MYRF: variants seen among roughly 807,000 people sequenced by gnomAD.
The protein encoded by MYRF is myelin gene regulatory factor.
Under a neutral mutation model 126.3 loss-of-function variants are expected in MYRF, and 16 were observed. That is an observed-to-expected ratio of 0.13 (90% CI 0.09 to 0.19). The LOEUF (loss-of-function observed/expected upper bound fraction) is 0.19. Among genes scored for constraint, MYRF ranks in the 10% least tolerant of loss-of-function variants. The pLI is 1.00. For missense variants in MYRF, 1,104 were observed against 1,547.0 expected, an observed-to-expected ratio of 0.71 and a Z score of 4.80; for synonymous variants, 608 against 635.3, an observed-to-expected ratio of 0.96 and a Z score of 0.65.
intron 8 of MYRF, among the ~76,000 whole-genome samples, chr11:61,775,751 TG>T (rs149895352): frequency 2.0e-5 from 2 of 99,382 alleles, no homozygotes; most frequent in Non-Finnish European, 4.3e-5. Flanking sequence ...CATGCAGAGG[TG>T]GGGGGAGCGT....
At position 61,783,872 on chromosome 11, in the gene MYRF, C is replaced by T. The variant is rs779534671; in HGVS notation, c.3141C>T (p.His1047=). The T allele has an allele frequency of 9.9e-6, 16 of 1,609,122 alleles. No homozygotes were observed. The African/African-American group carries it at 1.5e-4, about 15-fold the overall frequency. Residue 1047 remains histidine (H), a synonymous_variant, in exon 24 of 27, where the codon CAC becomes CAT. Transcript: ENST00000278836. This position sits in a 1 kb window ranked among gnomAD's most constrained non-coding sequence, Gnocchi z 4.6. Reference sequence around the variant, plus strand: ...GCAGGCCTGGGAACTTCACCTACCACATCCCTGTCAGTAGTGGCACCCCAC... The same window carrying T: ...GCAGGCCTGGGAACTTCACCTACCATATCCCTGTCAGTAGTGGCACCCCAC... ...DACRPGNFTY[H]IPVSSGTPLH...
chr11:61,772,679 C>T (rs1214099119), intron 7 of MYRF, among the ~76,000 whole-genome samples: 1 of 152,216 alleles, frequency 6.6e-6, no homozygotes, highest in African/African-American at 2.4e-5. Context: ...GGAGGAAACC[C>T]CTTACTCTTA....
At chr11:61,755,687 CT>C (rs1473678296) in intron 1 of MYRF, 1 of 697,198 alleles carries the variant, frequency 1.4e-6, no homozygotes, top group Admixed American at 2.0e-5. Flanking sequence ...AAGAAGCTCA[CT>C]GCCCAGCCCT....
chr11:61,785,599 C>T (rs2066673949), intron 25 of MYRF: 1 of 592,058 alleles, frequency 1.7e-6, no homozygotes, highest in Admixed American at 2.9e-5. Context: ...ACCTGCCAGT[C>T]CCGGGCACGG....
At chr11:61,752,829 C>T in intron 1 of MYRF, 39 bp downstream of exon 1, 1 of 1,478,828 alleles carries the variant, frequency 6.8e-7, no homozygotes, top group Admixed American at 2.6e-5. Context: ...CCCTCTGGCG[C>T]TGGGAACCCC....
chr11:61,766,062 G>A lies in MYRF; in HGVS notation c.239G>A (p.Gly80Asp). The change falls in exon 3 of 27, where the codon GGT becomes GAT. Residue 80 changes from glycine (G) to aspartate (D), a missense_variant. Transcript: ENST00000278836. ...SGVHHLSPPG[G>D]GPSPGRHGPL... ...GTCCACCACCTGAGCCCCCCTGGGG[G>A]TGGACCCTCCCCGGGGCGCCATGGT... 1.2e-6 allele frequency: 2 copies of A among 1,604,522 alleles called. No individual in the cohort carries two copies. Among genetic ancestry groups the A allele is most frequent in the East Asian group, 2.2e-5 (1 of 44,728 alleles).
chr11:61,762,156 T>A (rs1305234752), intron 1 of MYRF, among the ~76,000 whole-genome samples: 1 of 151,412 alleles, frequency 6.6e-6, no homozygotes, highest in Non-Finnish European at 1.5e-5. Flanking sequence ...AAGGCCTTGA[T>A]GTGGGATGGA....
Position 61,777,585 on chromosome 11 carries a change from G to A in MYRF, c.1791+121G>A, listed in dbSNP as rs2066421209. ...CGGAGCTGCGGGGGAAGGAAGGGAG[G>A]GAGGCTGGCCTCGAATCCCGATCTA... On this transcript the variant is annotated intron_variant, in intron 12 of 26. Coordinates refer to ENST00000278836, the MANE Select transcript of MYRF (RefSeq NM_001127392.3). The surrounding 1 kb of genome is among the most constrained non-coding windows in gnomAD (Gnocchi z 8.8). The A allele has an allele frequency of 1.4e-6, 2 of 1,379,748 alleles. No individual in the cohort carries two copies. Among genetic ancestry groups the A allele is most frequent in the Non-Finnish European group, 2.0e-6 (2 of 1,008,742 alleles). The allele number at this position is 1,379,748 out of a possible 1,614,324, so 85.5% of individuals were successfully genotyped here. A position where few individuals can be genotyped will look rare whatever the true frequency, so the allele number is the denominator to read the frequency against.
At chr11:61,774,195 A>G (rs1488100647) in intron 8 of MYRF, 33 bp downstream of exon 8, 2 of 1,568,232 alleles carry the variant, frequency 1.3e-6, no homozygotes, top group East Asian at 2.3e-5. Flanking sequence ...AAGGGAGGGC[A>G]GGAGGGCCCT....
Position 61,781,021 on chromosome 11 carries a change from G to C in MYRF, c.2548G>C (p.Gly850Arg). 6.2e-7 allele frequency: 1 copy of C among 1,610,024 alleles called. No homozygotes were observed. Among genetic ancestry groups the C allele is most frequent in the Non-Finnish European group, 8.5e-7 (1 of 1,179,994 alleles). ...GTCCCCCTTGACCACGGGGCTACCA[G>C]GCATACAGCCCTCTTTGCTGCTGGG... ...RQSPLTTGLPGIQPSLLLVTT... is the reference protein window; with the variant it reads ...RQSPLTTGLPRIQPSLLLVTT... Residue 850 changes from glycine to arginine, a missense_variant, in exon 20 of 27, where the codon GGC (glycine) becomes CGC (arginine). Physicochemically the swap from Gly to Arg is moderately radical, Grantham distance 125. Transcript: ENST00000278836.
At chr11:61,782,493 CT>C (rs1167721509) in intron 22 of MYRF, 1 of 152,262 alleles carries the variant, frequency 6.6e-6, no homozygotes, top group Admixed American at 6.5e-5. Context: ...CACCTGTTTA[CT>C]GAGCTGCCTG....
rs1369918802 is a variant in MYRF at position 61,786,033 on chromosome 11, A to C, written c.3376-30A>C. 2.5e-6 allele frequency: 4 copies of C among 1,611,768 alleles called. No homozygotes were observed. In the African/African-American group the frequency reaches 4.0e-5, roughly 16 times the overall value. On this transcript the variant is annotated intron_variant, in intron 26 of 26. Transcript: ENST00000278836. This position sits in a 1 kb window ranked among gnomAD's most constrained non-coding sequence, Gnocchi z 4.5. ...CCATCTGCCCCGCACCCCCAGAGCC[A>C]CCTCACCTTCCCACTGCCCTTCCAC...
chr11:61,781,189 A>C lies in MYRF; in HGVS notation c.2624A>C (p.Asp875Ala). 1 of 1,613,946 alleles carries C rather than the reference A, an allele frequency of 6.2e-7. No homozygotes were observed. The highest frequency in any genetic ancestry group is 8.5e-7 in the Non-Finnish European group (1 of 1,180,006). The change falls in exon 21 of 27, where the codon GAC (aspartate) becomes GCC (alanine). Residue 875 changes from aspartate (D) to alanine (A), a missense_variant. Around this residue, in one of 10 missense-constraint regions of MYRF, gnomAD observed 323 missense variants for 383.1 expected, o/e 0.84. Coordinates refer to ENST00000278836, the MANE Select transcript of MYRF (RefSeq NM_001127392.3). Reference protein sequence around the residue: ...SAPGSAVRTLDMCSSHPCPVI... With the variant: ...SAPGSAVRTLAMCSSHPCPVI... Reference sequence around the variant, plus strand: ...CCAGGTTCTGCTGTCCGCACCTTGGACATGTGTTCCAGCCACCCCTGCCCT... The same window carrying C: ...CCAGGTTCTGCTGTCCGCACCTTGGCCATGTGTTCCAGCCACCCCTGCCCT...
In MYRF at chr11:61,779,284, G is replaced by A. The variant is rs775821256; in HGVS notation, c.2035G>A (p.Val679Ile). The A allele has an allele frequency of 2.2e-5, 34 of 1,545,864 alleles. No homozygotes were observed. Among genetic ancestry groups the A allele is most frequent in the South Asian group, 8.3e-5 (7 of 84,070 alleles). ...GCAGGAGCGCATCTTCATGGAGAAC[G>A]TAGGGGCCGTGAAGGAGCTGTGCAA... is the stretch of plus-strand genomic sequence containing the variant. The part of the protein sequence containing the change: ...VNKERIFMEN[V>I]GAVKELCKLT... Residue 679 changes from valine (V) to isoleucine (I), a missense_variant, in exon 15 of 27, where the codon GTA (valine) becomes ATA (isoleucine). Val to Ile is a conservative substitution (Grantham distance 29). Around this residue, in one of 10 missense-constraint regions of MYRF, gnomAD observed 123 missense variants for 209.1 expected, o/e 0.59. Coordinates refer to ENST00000278836, the MANE Select transcript of MYRF (RefSeq NM_001127392.3).
At position 61,781,054 on chromosome 11, in the gene MYRF, C is replaced by T; in HGVS notation, c.2572+9C>T. 3 of 1,609,852 alleles carry T rather than the reference C, an allele frequency of 1.9e-6. No individual in the cohort carries two copies. The highest frequency in any genetic ancestry group is 2.5e-6 in the Non-Finnish European group (3 of 1,179,884). On this transcript the variant is annotated intron_variant, in intron 20 of 26. Transcript: ENST00000278836. ...GCCCTCTTTGCTGCTGGGTGCGTGT[C>T]TGGGCAGGTCTGGGTAGGACAGGGA...
At chr11:61,763,726 G>A (rs1443307403) in intron 1 of MYRF, among the ~76,000 whole-genome samples, 1 of 152,180 alleles carries the variant, frequency 6.6e-6, no homozygotes, top group East Asian at 1.9e-4. Flanking sequence ...TTAGCCGTGT[G>A]TGGTGGCGGG....
chr11:61,770,472 C>G lies in MYRF; in HGVS notation c.687C>G (p.His229Gln), dbSNP rs752041951. 1.3e-6 allele frequency: 2 copies of G among 1,563,786 alleles called. No individual in the cohort carries two copies. Among genetic ancestry groups the G allele is most frequent in the South Asian group, 1.2e-5 (1 of 84,984 alleles). Residue 229 changes from histidine (H) to glutamine (Q), a missense_variant, in exon 5 of 27, where the codon CAC becomes CAG. Transcript: ENST00000278836. ...AGGGGCTGGTGCCCACTGATCTTCA[C>G]CACACCCAGCAGTCCCAGATGCTGC... is the stretch of plus-strand genomic sequence containing the variant. ...MGQGLVPTDL[H>Q]HTQQSQMLHQ...
At chr11:61,760,654 G>A (rs767595341) in intron 1 of MYRF, among the ~76,000 whole-genome samples, 7 of 152,154 alleles carry the variant, frequency 4.6e-5, no homozygotes, top group Non-Finnish European at 8.8e-5. Flanking sequence ...GGAGATGGGA[G>A]TCCTAAGAGA....
At position 61,757,574 on chromosome 11, in the gene MYRF, G is replaced by T. The variant is rs117536695; in HGVS notation, c.46+4784G>T. The T allele has an allele frequency of 3.8e-4, 175 of 456,502 alleles. 1 individual carries two copies. In the East Asian group the frequency reaches 6.6e-3, roughly 17 times the overall value. The allele number at this position is 456,502 out of a possible 1,614,324, so 28.3% of individuals were successfully genotyped here. ...CATGTTCTGTGGTTCTGTGTGCAAG[G>T]CCTGAACCATGACAGCTCTGGCCCA... On this transcript the variant is annotated intron_variant, in intron 1 of 26. Coordinates refer to ENST00000278836, the MANE Select transcript of MYRF (RefSeq NM_001127392.3). The surrounding 1 kb of genome is among the most constrained non-coding windows in gnomAD (Gnocchi z 4.7).
Sources: gnomAD v4.1 joint callset for allele counts (sites outside exome capture counted in the v4.1 genomes callset) on GRCh38, gnomAD v4.1.1 for gene constraint, gnomAD v4.1.1 regional missense constraint, Gnocchi (gnomAD v3.1) non-coding constraint, MANE v1.5 for transcripts, NCBI Gene and HGNC (gene_info 2026-07-23, HGNC 2026-07-21) for gene names.